The following GLCCI1 variants were observed in gnomAD, a reference collection of about 807,000 sequenced individuals.
The protein encoded by GLCCI1 is glucocorticoid induced 1.
Under a neutral mutation model 52.2 loss-of-function variants are expected in GLCCI1, and 24 were observed. That is an observed-to-expected ratio of 0.46 (90% CI 0.33 to 0.65). The LOEUF (loss-of-function observed/expected upper bound fraction) is 0.65, where lower values mean the gene tolerates loss of function less well. Ranked by LOEUF, GLCCI1 falls within the 30% of genes least tolerant of loss-of-function variation. GLCCI1 has a pLI of 0.02. For synonymous variants in GLCCI1, 310 were observed against 276.5 expected, an observed-to-expected ratio of 1.12 and a Z score of -1.20; for missense variants, 704 against 701.5, an observed-to-expected ratio of 1.00 and a Z score of -0.04.
At chr7:7,986,321 G>A (rs570330792) in intron 1 of GLCCI1, among the ~76,000 whole-genome samples, 103 of 151,964 alleles carry the variant, frequency 6.8e-4, no homozygotes, top group Non-Finnish European at 1.3e-3. Context: ...GACTATCCTG[G>A]CTAACACGGT....
chr7:7,979,127 G>A (rs1481410765), intron 1 of GLCCI1, among the ~76,000 whole-genome samples: 1 of 152,112 alleles, frequency 6.6e-6, no homozygotes, highest in Non-Finnish European at 1.5e-5. Flanking sequence ...AGTTTCATTA[G>A]TATTGCAAAA....
chr7:7,968,885 C>G lies in GLCCI1; in HGVS notation c.-466C>G, dbSNP rs1780271571. 1 of 159,204 alleles carries G rather than the reference C, an allele frequency of 6.3e-6. No homozygotes were observed. Among genetic ancestry groups the G allele is most frequent in the Non-Finnish European group, 1.4e-5 (1 of 72,776 alleles). The allele number at this position is 159,204 out of a possible 1,614,324, so 9.9% of individuals were successfully genotyped here. ...CGGACTCCGAGGAGCGCCAGCACCT[C>G]GAGGCCCTTTCTCTCTACCCTGGTC... On this transcript the variant is annotated 5_prime_UTR_variant, in exon 1 of 8. Transcript: ENST00000223145.
At chr7:8,061,580 T>A (rs1212136245) in intron 5 of GLCCI1, among the ~76,000 whole-genome samples, 1 of 151,976 alleles carries the variant, frequency 6.6e-6, no homozygotes, top group Non-Finnish European at 1.5e-5. Flanking sequence ...CATTTCATGT[T>A]AAGTTTATAA....
At position 7,969,404 on chromosome 7, in the gene GLCCI1, C is replaced by T. The variant is rs1383877394; in HGVS notation, c.54C>T (p.Pro18=). The T allele has an allele frequency of 4.2e-6, 6 of 1,416,398 alleles. No homozygotes were observed. The African/African-American group carries it at 7.4e-5, about 18-fold the overall frequency. 87.7% of individuals were successfully genotyped at this position (1,416,398 alleles called of 1,614,324 possible). ...SSSSSSQTPH[P]PSQRMRRSAA... Reference sequence around the variant, plus strand: ...CCAGTTCCTCTCAGACCCCTCATCCCCCGTCGCAGAGGATGAGGCGCAGCG... The same window carrying T: ...CCAGTTCCTCTCAGACCCCTCATCCTCCGTCGCAGAGGATGAGGCGCAGCG... Residue 18 remains proline (P), a synonymous_variant, in exon 1 of 8, where the codon CCC becomes CCT. Transcript: ENST00000223145. The surrounding 1 kb of genome is among the most constrained non-coding windows in gnomAD (Gnocchi z 4.9).
At chr7:8,056,971 T>C (rs1782412136) in intron 4 of GLCCI1, among the ~76,000 whole-genome samples, 1 of 152,164 alleles carries the variant, frequency 6.6e-6, no homozygotes, top group African/African-American at 2.4e-5. Context: ...ATATTATATA[T>C]TTAGAAAATC....
At chr7:8,030,256 C>T (rs982126557) in intron 3 of GLCCI1, among the ~76,000 whole-genome samples, 1 of 152,120 alleles carries the variant, frequency 6.6e-6, no homozygotes, top group Middle Eastern at 3.2e-3. Context: ...CTAAAATGAG[C>T]TCATTTTTGA....
chr7:7,970,951 G>T (rs1381901826), intron 1 of GLCCI1, among the ~76,000 whole-genome samples: 1 of 151,432 alleles, frequency 6.6e-6, no homozygotes, highest in Non-Finnish European at 1.5e-5. Context: ...TTTTAATGGA[G>T]CTTTCTTGAT....
chr7:8,028,836 T>G (rs1781684904), intron 3 of GLCCI1, among the ~76,000 whole-genome samples: 2 of 152,042 alleles, frequency 1.3e-5, no homozygotes, highest in African/African-American at 2.4e-5. Context: ...TATATGCCAA[T>G]AAATTGGAAT....
chr7:8,022,746 G>A lies in GLCCI1; in HGVS notation c.696+177G>A, dbSNP rs191025859. The A allele has an allele frequency of 3.5e-5, 10 of 287,720 alleles. No homozygotes were observed. The Admixed American group carries it at 4.1e-4, about 12-fold the overall frequency. The allele number at this position is 287,720 out of a possible 1,614,324, so 17.8% of individuals were successfully genotyped here. ...TCTAGGCAGGTTTTTGTAAGGTTAG[G>A]ACAGATTCTAGTTTGGTAGGCTGCA... On this transcript the variant is annotated intron_variant, in intron 3 of 7. Transcript: ENST00000223145.
intron 1 of GLCCI1, among the ~76,000 whole-genome samples, chr7:7,978,511 T>G (rs1341490622): frequency 6.6e-6 from 1 of 152,176 alleles, no homozygotes; most frequent in African/African-American, 2.4e-5. Flanking sequence ...TTTTAATAAT[T>G]TCTTCTGGGG....
intron 2 of GLCCI1, among the ~76,000 whole-genome samples, chr7:8,012,058 G>A (rs567585632): frequency 7.6e-4 from 116 of 151,880 alleles, no homozygotes; most frequent in African/African-American, 2.6e-3. Flanking sequence ...CTTGTGATCC[G>A]CTTGCCTCGG....
intron 2 of GLCCI1, among the ~76,000 whole-genome samples, chr7:8,014,248 C>T (rs970801909): frequency 2.6e-5 from 4 of 152,132 alleles, no homozygotes; most frequent in South Asian, 2.1e-4. Context: ...CCACCCATCT[C>T]GGCCTCCCAA....
In GLCCI1 at chr7:8,030,679, C is replaced by T. The variant is rs1296938405; in HGVS notation, c.696+8110C>T. Among the ~76,000 whole-genome samples, 8 of 152,126 alleles carry T rather than the reference C, an allele frequency of 5.3e-5. No homozygotes were observed. The East Asian group carries it at 1.5e-3, about 29-fold the overall frequency. On this transcript the variant is annotated intron_variant, in intron 3 of 7. Transcript: ENST00000223145. The stretch of plus-strand genomic sequence containing the variant: ...CAGAATATATAAGGAGCTCAAAGAA[C>T]TCCATATTAATAAACCTAATAGTAT...
chr7:8,071,623 A>G (rs977677390), intron 6 of GLCCI1, among the ~76,000 whole-genome samples: 1 of 152,188 alleles, frequency 6.6e-6, no homozygotes, highest in Admixed American at 6.5e-5. Context: ...CAGTATGTAG[A>G]TAAATTATTA....
Position 8,016,666 on chromosome 7 carries a change from C to G in GLCCI1, c.610-5817C>G, listed in dbSNP as rs145527046. 5.9e-4 allele frequency among the ~76,000 whole-genome samples: 90 copies of G among 152,226 alleles called. 1 individual carries two copies. The highest frequency in any genetic ancestry group is 1.8e-3 in the African/African-American group (73 of 41,540). ...TAAACTAAGGGAAAACTTTTCCATG[C>G]TATTGGAATTCTAACAGCTTTTGGG... On this transcript the variant is annotated intron_variant, in intron 2 of 7. Transcript: ENST00000223145.
At chr7:8,039,988 C>A (rs1332230024) in intron 3 of GLCCI1, among the ~76,000 whole-genome samples, 1 of 115,984 alleles carries the variant, frequency 8.6e-6, no homozygotes, top group Non-Finnish European at 1.8e-5. Context: ...CAGAGCAAGA[C>A]TCTGTCTCAA....
intron 3 of GLCCI1, among the ~76,000 whole-genome samples, chr7:8,027,641 G>T (rs1781650284): frequency 6.6e-6 from 1 of 151,044 alleles, no homozygotes; most frequent in Non-Finnish European, 1.5e-5. Context: ...AATGTAAATG[G>T]ACTAAACTCT....
intron 6 of GLCCI1, among the ~76,000 whole-genome samples, chr7:8,072,988 A>G (rs1391962896): frequency 1.3e-5 from 2 of 152,162 alleles, no homozygotes; most frequent in Non-Finnish European, 2.9e-5. Flanking sequence ...CACTTACATC[A>G]TAAGTTTCAA....
At chr7:8,004,900 AAG>A (rs112350673) in intron 2 of GLCCI1, among the ~76,000 whole-genome samples, 8 of 152,180 alleles carry the variant, frequency 5.3e-5, no homozygotes, top group African/African-American at 9.6e-5. Flanking sequence ...GACTGAGGAA[AAG>A]AGAGAGAGTT....
Sources: allele counts gnomAD v4.1 joint callset (sites outside exome capture counted in the v4.1 genomes callset), GRCh38; gene constraint gnomAD v4.1.1; non-coding constraint Gnocchi (gnomAD v3.1); transcripts MANE v1.5; gene names NCBI Gene and HGNC (gene_info 2026-07-23, HGNC 2026-07-21).